The following SLC22A23 variants were observed in gnomAD, a reference collection of about 807,000 sequenced individuals.
SLC22A23 encodes ion transporter protein.
A neutral mutation model predicts 61.0 loss-of-function variants in SLC22A23; 26 were observed. The ratio of observed to expected loss-of-function variants is 0.43; its 90% CI spans 0.31 to 0.59. The LOEUF (loss-of-function observed/expected upper bound fraction) is 0.59, where lower values mean the gene tolerates loss of function less well. Among genes scored for constraint, SLC22A23 ranks in the 20% least tolerant of loss-of-function variants. The probability of loss-of-function intolerance (pLI) is 0.11; values close to 1 mark genes in which losing one functional copy is unlikely to be tolerated. For missense variants in SLC22A23, 796 were observed against 934.7 expected (o/e 0.85, Z 1.94); for synonymous variants, 430 against 413.9 (o/e 1.04, Z -0.47).
intron 4 of SLC22A23, among the ~76,000 whole-genome samples, chr6:3,300,768 T>C (rs2127360744): frequency 6.6e-6 from 1 of 152,366 alleles, no homozygotes; most frequent in Middle Eastern, 3.4e-3. Context: ...TATTTGCTTG[T>C]GACTGTGTTT....
intron 1 of SLC22A23, among the ~76,000 whole-genome samples, chr6:3,426,167 A>C (rs964695938): frequency 6.6e-6 from 1 of 152,216 alleles, no homozygotes; most frequent in Non-Finnish European, 1.5e-5. Flanking sequence ...TTAGTACTGA[A>C]ATGTTGAAAA....
chr6:3,384,079 C>T (rs1767128499), intron 3 of SLC22A23, among the ~76,000 whole-genome samples: 1 of 152,102 alleles, frequency 6.6e-6, no homozygotes, highest in Admixed American at 6.5e-5. Context: ...CGGTGCCAGG[C>T]CAAAATTGCA....
chr6:3,374,682 G>A (rs1766446573), intron 3 of SLC22A23, among the ~76,000 whole-genome samples: 1 of 152,220 alleles, frequency 6.6e-6, no homozygotes, highest in African/African-American at 2.4e-5. Flanking sequence ...GGGCAGAAGA[G>A]AGGGATGGCT....
intron 1 of SLC22A23, among the ~76,000 whole-genome samples, chr6:3,431,485 G>A (rs1273279294): frequency 6.6e-6 from 1 of 152,096 alleles, no homozygotes; most frequent in African/African-American, 2.4e-5. Context: ...GAAGTTTGTG[G>A]GCTATTGGCC....
chr6:3,441,804 C>G (rs185411464), intron 1 of SLC22A23, among the ~76,000 whole-genome samples: 157 of 152,312 alleles, frequency 1.0e-3, no homozygotes, highest in Admixed American at 2.5e-3. Context: ...ATGAGGAGCT[C>G]CCTTCTCCAG....
intron 3 of SLC22A23, among the ~76,000 whole-genome samples, chr6:3,398,397 C>T (rs944315380): frequency 6.6e-6 from 1 of 150,760 alleles, no homozygotes; most frequent in African/African-American, 2.4e-5. Flanking sequence ...GACGCAAGCA[C>T]CTCTCAGCCA....
intron 8 of SLC22A23, 57 bp downstream of exon 8, chr6:3,285,022 C>T: frequency 6.2e-7 from 1 of 1,600,460 alleles, no homozygotes; most frequent in Non-Finnish European, 8.5e-7. Context: ...TTCGAGAAAA[C>T]ACCCATTTAG....
rs138012153 is a variant in SLC22A23, at chr6:3,324,196, T to C, written c.914-194A>G. On this transcript the variant is annotated intron_variant, in intron 3 of 9. Coordinates refer to ENST00000406686, the MANE Select transcript of SLC22A23 (RefSeq NM_015482.2). The surrounding 1 kb of genome is among the most constrained non-coding windows in gnomAD (Gnocchi z 4.3). The stretch of plus-strand genomic sequence containing the variant: ...TTGAGGCTCCAACTGGGAAGGGAAG[T>C]GAGACGGTTGTTCAAGGCCACAGGG... 1.8e-3 allele frequency: 1,095 copies of C among 624,880 alleles called. 13 individuals carry two copies. Among genetic ancestry groups the C allele is most frequent in the African/African-American group, 0.016 (895 of 54,394 alleles). The allele number at this position is 624,880 out of a possible 1,614,324, so 38.7% of individuals were successfully genotyped here. A position where few individuals can be genotyped will look rare whatever the true frequency, so the allele number is the denominator to read the frequency against.
chr6:3,414,005 C>T lies in SLC22A23; in HGVS notation c.758+1747G>A, dbSNP rs1769473976. 6.6e-6 allele frequency among the ~76,000 whole-genome samples: 1 copy of T among 152,210 alleles called. No homozygotes were observed. The highest frequency in any genetic ancestry group is 1.5e-5 in the Non-Finnish European group (1 of 68,046). On this transcript the variant is annotated intron_variant, in intron 2 of 9. Coordinates refer to ENST00000406686, the MANE Select transcript of SLC22A23 (RefSeq NM_015482.2). The surrounding 1 kb of genome is among the most constrained non-coding windows in gnomAD (Gnocchi z 5.1). ...GTCAGACTTCTGGTTACTCTAAGAG[C>T]AAGACCCAAACTCTTTTGTCCTCAG...
intron 8 of SLC22A23, among the ~76,000 whole-genome samples, chr6:3,284,690 AGG>A (rs1413058837): frequency 6.6e-6 from 1 of 152,180 alleles, no homozygotes; most frequent in African/African-American, 2.4e-5. Flanking sequence ...CATGAGTCAA[AGG>A]GGGACAGCGG....
chr6:3,409,384 T>C (rs1769053210), intron 3 of SLC22A23, among the ~76,000 whole-genome samples: 1 of 152,212 alleles, frequency 6.6e-6, no homozygotes, highest in African/African-American at 2.4e-5. Context: ...TTAAGAGAAT[T>C]AGAACTATTC....
chr6:3,349,426 G>A (rs1179532901), intron 3 of SLC22A23, among the ~76,000 whole-genome samples: 1 of 152,154 alleles, frequency 6.6e-6, no homozygotes, highest in East Asian at 1.9e-4. Flanking sequence ...CCAACCCCGA[G>A]GCAAGCCCTG....
At chr6:3,359,541 C>T (rs1581746778) in intron 3 of SLC22A23, among the ~76,000 whole-genome samples, 3 of 152,260 alleles carry the variant, frequency 2.0e-5, no homozygotes, top group South Asian at 2.1e-4. Flanking sequence ...CAGGAAATAA[C>T]AAGTGCTGAC....
chr6:3,424,337 C>A (rs965251068), intron 1 of SLC22A23, among the ~76,000 whole-genome samples: 2 of 152,208 alleles, frequency 1.3e-5, no homozygotes, highest in African/African-American at 4.8e-5. Context: ...AAGGACAAAC[C>A]TCACCACAAC....
chr6:3,438,647 A>C (rs1256674060), intron 1 of SLC22A23: 1 of 401,034 alleles, frequency 2.5e-6, no homozygotes, highest in Non-Finnish European at 4.9e-6. Flanking sequence ...TTCCAAACAA[A>C]CGTTTCCTTT....
chr6:3,321,165 G>A (rs992446814), intron 4 of SLC22A23, among the ~76,000 whole-genome samples: 6 of 152,132 alleles, frequency 3.9e-5, no homozygotes, highest in East Asian at 3.8e-4. Flanking sequence ...TATGTTTTCC[G>A]TGCGTTATTT....
chr6:3,411,095 T>C (rs900629502), intron 2 of SLC22A23, among the ~76,000 whole-genome samples: 3 of 152,174 alleles, frequency 2.0e-5, no homozygotes, highest in African/African-American at 7.2e-5. Flanking sequence ...GGGGGCGATG[T>C]GCTTCTAGAG....
intron 1 of SLC22A23, chr6:3,432,210 C>T (rs191446471): frequency 6.8e-5 from 67 of 985,482 alleles, no homozygotes; most frequent in African/African-American, 8.7e-5. Context: ...CTTGCCCACG[C>T]CTCTGCTCCC....
chr6:3,432,804 T>G (rs541323243), intron 1 of SLC22A23, among the ~76,000 whole-genome samples: 1 of 152,334 alleles, frequency 6.6e-6, no homozygotes, highest in South Asian at 2.1e-4. Flanking sequence ...GTTGCTCTTT[T>G]TAAGGTTTTT....
Sources: allele counts gnomAD v4.1 joint callset (sites outside exome capture counted in the v4.1 genomes callset), GRCh38; gene constraint gnomAD v4.1.1; non-coding constraint Gnocchi (gnomAD v3.1); transcripts MANE v1.5; gene names NCBI Gene and HGNC (gene_info 2026-07-23, HGNC 2026-07-21).